Variants in CAMK1D observed in about 807,000 individuals in gnomAD.
CAMK1D encodes the protein calcium/calmodulin-dependent protein kinase type 1D.
In CAMK1D, 9 loss-of-function variants were observed where a neutral mutation model predicts 47.7. The ratio of observed to expected loss-of-function variants is 0.19; its 90% CI spans 0.11 to 0.33. The LOEUF is 0.33. Among genes scored for constraint, CAMK1D ranks in the 10% least tolerant of loss-of-function variants. The probability of loss-of-function intolerance (pLI) is 1.00; values close to 1 mark genes in which losing one functional copy is unlikely to be tolerated. For missense variants in CAMK1D, 291 were observed against 488.7 expected (o/e 0.60, Z 3.81); for synonymous variants, 184 against 184.9 (o/e 0.99, Z 0.04).
chr10:12,387,829 T>G (rs1838577947), intron 1 of CAMK1D, among the ~76,000 whole-genome samples: 1 of 152,120 alleles, frequency 6.6e-6, no homozygotes, highest in Non-Finnish European at 1.5e-5. Flanking sequence ...GCTCAATAAA[T>G]GCTAACTATC....
intron 1 of CAMK1D, among the ~76,000 whole-genome samples, chr10:12,487,485 C>T (rs1834251983): frequency 1.3e-5 from 2 of 152,196 alleles, no homozygotes; most frequent in Admixed American, 1.3e-4. Flanking sequence ...TAACATGGAC[C>T]TGGGAGTTGG....
chr10:12,666,625 G>A, intron 2 of CAMK1D, 111 bp from the exon 3 acceptor site: 3 of 813,062 alleles, frequency 3.7e-6, no homozygotes, highest in South Asian at 1.7e-5. Flanking sequence ...AAATCTTTTT[G>A]TTCAGGAGTT....
chr10:12,471,046 C>T (rs1375169455), intron 1 of CAMK1D, among the ~76,000 whole-genome samples: 1 of 152,196 alleles, frequency 6.6e-6, no homozygotes, highest in African/African-American at 2.4e-5. Context: ...CTCCTTCCTC[C>T]CTTTGTGTCT....
intron 2 of CAMK1D, among the ~76,000 whole-genome samples, chr10:12,628,605 A>C (rs953830557): frequency 6.6e-6 from 1 of 152,144 alleles, no homozygotes; most frequent in Non-Finnish European, 1.5e-5. Context: ...ATTTGCTATA[A>C]TTGATGAGCC....
Position 12,401,086 on chromosome 10 carries a change from T to C in CAMK1D, c.92+51176T>C, listed in dbSNP as rs866388325. 8.1e-5 allele frequency among the ~76,000 whole-genome samples: 6 copies of C among 74,000 alleles called. 1 individual carries two copies. Among genetic ancestry groups the C allele is most frequent in the African/African-American group, 3.6e-4 (6 of 16,596 alleles). 48.5% of individuals were successfully genotyped at this position (74,000 alleles called of 152,430 possible). ...ATATTTTATATATATAATATATGTA[T>C]TATATATATTATATATATATTTTAT... is the stretch of plus-strand genomic sequence containing the variant. On this transcript the variant is annotated intron_variant, in intron 1 of 10. Coordinates refer to ENST00000619168, the MANE Select transcript of CAMK1D (RefSeq NM_153498.4).
chr10:12,749,566 GTTTGT>G (rs1835848499), intron 3 of CAMK1D, among the ~76,000 whole-genome samples: 1 of 118,808 alleles, frequency 8.4e-6, no homozygotes. Context: ...TTGTTTGTTT[GTTTGT>G]TTGTTTTGAT....
At chr10:12,387,365 ATATATATATTATATAT>A (rs1838532447) in intron 1 of CAMK1D, among the ~76,000 whole-genome samples, 1 of 79,942 alleles carries the variant, frequency 1.3e-5, no homozygotes, top group African/African-American at 3.6e-5. Context: ...TATATATATA[ATATATATATTATATAT>A]TATATATATT....
intron 2 of CAMK1D, among the ~76,000 whole-genome samples, chr10:12,564,416 A>G (rs1022967782): frequency 1.3e-5 from 2 of 152,128 alleles, no homozygotes; most frequent in African/African-American, 4.8e-5. Flanking sequence ...AGCTTTATTT[A>G]TGACTCACTG....
intron 6 of CAMK1D, among the ~76,000 whole-genome samples, chr10:12,801,354 T>TATCTATCCTATCTATCTATC (rs57429397): frequency 1.5e-5 from 1 of 66,490 alleles, no homozygotes; most frequent in Non-Finnish European, 3.1e-5. Flanking sequence ...TCTATCTATC[T>TATCTATCCTATCTATCTATC]TATCTATCTA....
intron 6 of CAMK1D, among the ~76,000 whole-genome samples, chr10:12,802,949 T>G (rs1838552900): frequency 6.6e-6 from 1 of 152,186 alleles, no homozygotes. Flanking sequence ...GTGTGGTGTT[T>G]CCCCATCTTT....
chr10:12,703,847 C>T (rs535473985), intron 3 of CAMK1D, among the ~76,000 whole-genome samples: 12 of 146,130 alleles, frequency 8.2e-5, no homozygotes, highest in South Asian at 2.1e-4. Context: ...CCAGCCAGGA[C>T]GACAGATCGA....
chr10:12,753,404 A>G (rs1836078540), intron 3 of CAMK1D, among the ~76,000 whole-genome samples: 1 of 152,260 alleles, frequency 6.6e-6, no homozygotes, highest in Non-Finnish European at 1.5e-5. Flanking sequence ...TGACTGGTTC[A>G]TTAACCTAGG....
chr10:12,413,114 G>T (rs887062357), intron 1 of CAMK1D, among the ~76,000 whole-genome samples: 2 of 152,312 alleles, frequency 1.3e-5, no homozygotes, highest in Non-Finnish European at 1.5e-5. Flanking sequence ...TTGGCTCATG[G>T]TTCTGCAGGC....
chr10:12,546,079 A>G (rs1433047376), intron 1 of CAMK1D, among the ~76,000 whole-genome samples: 1 of 152,230 alleles, frequency 6.6e-6, no homozygotes. Flanking sequence ...GGTAACGTGC[A>G]AAGGGATTTG....
chr10:12,439,125 T>C (rs756671728), intron 1 of CAMK1D, among the ~76,000 whole-genome samples: 3 of 152,230 alleles, frequency 2.0e-5, no homozygotes, highest in Non-Finnish European at 2.9e-5. Context: ...CAGGGCCTAT[T>C]ATCCCAAGTT....
intron 1 of CAMK1D, among the ~76,000 whole-genome samples, chr10:12,552,359 C>T (rs1836612315): frequency 1.3e-5 from 2 of 152,196 alleles, no homozygotes; most frequent in Admixed American, 6.5e-5. Flanking sequence ...CACTTGCACC[C>T]CATGACCAAT....
At chr10:12,709,887 TA>T (rs1245127031) in intron 3 of CAMK1D, among the ~76,000 whole-genome samples, 1 of 152,172 alleles carries the variant, frequency 6.6e-6, no homozygotes, top group Non-Finnish European at 1.5e-5. Context: ...TTACCTTTGA[TA>T]AAAAGCCAGT....
intron 1 of CAMK1D, among the ~76,000 whole-genome samples, chr10:12,525,553 T>C (rs765290651): frequency 1.3e-5 from 2 of 152,244 alleles, no homozygotes; most frequent in Non-Finnish European, 2.9e-5. Flanking sequence ...GTGTTTCAAG[T>C]CTAAAATTCA....
chr10:12,523,212 A>T (rs1303180184), intron 1 of CAMK1D, among the ~76,000 whole-genome samples: 5 of 145,642 alleles, frequency 3.4e-5, no homozygotes, highest in Non-Finnish European at 7.5e-5. Flanking sequence ...GGTGCTCCCC[A>T]CATTTCAGAT....
Sources: gnomAD v4.1 joint callset for allele counts (sites outside exome capture counted in the v4.1 genomes callset) on GRCh38, gnomAD v4.1.1 for gene constraint, MANE v1.5 for transcripts, NCBI Gene and HGNC (gene_info 2026-07-23, HGNC 2026-07-21) for gene names.